DLG2: variants seen among roughly 807,000 people sequenced by gnomAD.
DLG2 encodes disks large homolog 2.
A neutral mutation model predicts 132.5 loss-of-function variants in DLG2; 45 were observed. That is an observed-to-expected ratio of 0.34 (90% CI 0.27 to 0.44). The LOEUF is 0.44. Among genes scored for constraint, DLG2 ranks in the 20% least tolerant of loss-of-function variants. DLG2 has a pLI of 1.00. For missense variants in DLG2, 1,045 were observed against 1,196.9 expected (o/e 0.87, Z 1.87); for synonymous variants, 424 against 419.6 (o/e 1.01, Z -0.13).
intron 8 of DLG2, among the ~76,000 whole-genome samples, chr11:84,195,044 G>T (rs2154294233): frequency 6.6e-6 from 1 of 152,352 alleles, no homozygotes; most frequent in African/African-American, 2.4e-5. Flanking sequence ...ACAGTGCAGT[G>T]GCGGGCTGAA....
intron 3 of DLG2, among the ~76,000 whole-genome samples, chr11:85,512,456 G>C (rs1019638714): frequency 6.6e-6 from 1 of 151,948 alleles, no homozygotes; most frequent in Non-Finnish European, 1.5e-5. Flanking sequence ...AGTGCCTTTG[G>C]ATACTGTGTC....
Position 85,426,461 on chromosome 11 carries a change from C to T in DLG2, c.41-141096G>A, listed in dbSNP as rs531600462. On this transcript the variant is annotated intron_variant, in intron 3 of 27. Coordinates refer to ENST00000376104, the MANE Select transcript of DLG2 (RefSeq NM_001142699.3). ...AGGAACGATCAGGCAGCAACATCTG[C>T]TGTTCACCAGTATCCGCTGTTCTGC... is the stretch of plus-strand genomic sequence containing the variant. Among the ~76,000 whole-genome samples, 11 of 152,330 alleles carry T rather than the reference C, an allele frequency of 7.2e-5. 1 individual carries two copies. The South Asian group carries it at 2.3e-3, about 32-fold the overall frequency.
intron 18 of DLG2, among the ~76,000 whole-genome samples, chr11:83,660,062 G>A (rs1036154297): frequency 2.6e-5 from 4 of 152,154 alleles, no homozygotes; most frequent in African/African-American, 7.2e-5. Flanking sequence ...ACTAAGATAC[G>A]AAAAGATTGT....
intron 16 of DLG2, among the ~76,000 whole-genome samples, chr11:83,853,622 T>C (rs573937313): frequency 6.6e-6 from 1 of 152,326 alleles, no homozygotes; most frequent in African/African-American, 2.4e-5. Flanking sequence ...TCTGAGATTC[T>C]TGAGTATTTT....
Position 84,689,384 on chromosome 11 carries a change from CA to C in DLG2, c.358-154654del, listed in dbSNP as rs551901846. Among the ~76,000 whole-genome samples, 1,224 of 146,852 alleles carry C rather than the reference CA, an allele frequency of 8.3e-3. 8 individuals are homozygous for C. The highest frequency in any genetic ancestry group is 0.011 in the Non-Finnish European group (730 of 66,502). Reference sequence around the variant, plus strand: ...TTTCTATTGAGAAACAATTAAGTTTCAAAAAAAAAATAGCACATAAGATGTA... The same window carrying C: ...TTTCTATTGAGAAACAATTAAGTTTCAAAAAAAAATAGCACATAAGATGTA... On this transcript the variant is annotated intron_variant, in intron 6 of 27. Transcript: ENST00000376104.
intron 7 of DLG2, among the ~76,000 whole-genome samples, chr11:84,267,149 C>T (rs1364503474): frequency 6.6e-6 from 1 of 152,204 alleles, no homozygotes; most frequent in African/African-American, 2.4e-5. Context: ...AAACAAGGTA[C>T]TTAACCCCAC....
intron 18 of DLG2, among the ~76,000 whole-genome samples, chr11:83,737,082 C>T (rs553823840): frequency 1.6e-4 from 24 of 152,248 alleles, no homozygotes; most frequent in African/African-American, 5.3e-4. Context: ...CCCCAAAAAC[C>T]ACACCTGTTT....
intron 3 of DLG2, among the ~76,000 whole-genome samples, chr11:85,570,325 G>C (rs1022895099): frequency 2.0e-5 from 3 of 152,108 alleles, no homozygotes; most frequent in African/African-American, 7.2e-5. Flanking sequence ...CTATCCTCAA[G>C]AATATTCCAT....
intron 6 of DLG2, among the ~76,000 whole-genome samples, chr11:84,916,264 G>T (rs1202305303): frequency 7.0e-6 from 1 of 143,710 alleles, no homozygotes; most frequent in Non-Finnish European, 1.5e-5. Context: ...CAGGAGAATG[G>T]CGTGAACCCG....
intron 19 of DLG2, among the ~76,000 whole-genome samples, chr11:83,589,055 G>A (rs1379315376): frequency 6.8e-6 from 1 of 146,968 alleles, no homozygotes; most frequent in African/African-American, 2.5e-5. Flanking sequence ...AACCAAGTTG[G>A]AAAACACTCT....
At position 84,923,558 on chromosome 11, in the gene DLG2, T is replaced by C. The variant is rs183558928; in HGVS notation, c.357+188103A>G. ...GCCCCGGTGTTATCCTATTAAATAC[T>C]TTACAATGGGATCGCATCGCAGACT... On this transcript the variant is annotated intron_variant, in intron 6 of 27. Coordinates refer to ENST00000376104, the MANE Select transcript of DLG2 (RefSeq NM_001142699.3). 3.0e-6 allele frequency: 3 copies of C among 1,002,056 alleles called. No individual in the cohort carries two copies. In the African/African-American group the frequency reaches 5.2e-5, roughly 17 times the overall value. The allele number at this position is 1,002,056 out of a possible 1,614,324, so 62.1% of individuals were successfully genotyped here. A position where few individuals can be genotyped will look rare whatever the true frequency, so the allele number is the denominator to read the frequency against.
At chr11:84,509,027 G>T (rs931750442) in intron 7 of DLG2, among the ~76,000 whole-genome samples, 1 of 152,188 alleles carries the variant, frequency 6.6e-6, no homozygotes, top group Non-Finnish European at 1.5e-5. Context: ...GCAAACACAA[G>T]AATTGGAAAT....
intron 6 of DLG2, among the ~76,000 whole-genome samples, chr11:84,837,000 T>A (rs1193943501): frequency 2.0e-5 from 3 of 151,696 alleles, no homozygotes; most frequent in African/African-American, 7.3e-5. Context: ...CCTAATGCTA[T>A]CCCTCCCGCC....
chr11:84,062,883 T>A (rs950322728), intron 10 of DLG2, among the ~76,000 whole-genome samples: 2 of 152,090 alleles, frequency 1.3e-5, no homozygotes, highest in African/African-American at 4.8e-5. Context: ...GGCTAGAGGG[T>A]CATAGCTATT....
At chr11:84,090,624 TGAC>T (rs1405678759) in intron 10 of DLG2, among the ~76,000 whole-genome samples, 1 of 152,132 alleles carries the variant, frequency 6.6e-6, no homozygotes, top group Non-Finnish European at 1.5e-5. Context: ...CATGCAACAC[TGAC>T]AACATATTGC....
intron 20 of DLG2, among the ~76,000 whole-genome samples, chr11:83,539,185 C>T (rs2095986437): frequency 6.6e-6 from 1 of 152,132 alleles, no homozygotes; most frequent in Non-Finnish European, 1.5e-5. Context: ...AAAATTTATT[C>T]ACCATCTTCA....
At chr11:84,328,646 TA>T (rs74676993) in intron 7 of DLG2, among the ~76,000 whole-genome samples, 26,993 of 149,416 alleles carry the variant, frequency 0.18, 2,648 homozygotes, top group East Asian at 0.42. Flanking sequence ...ATCAAACGGT[TA>T]AAAAAAAAAG....
At chr11:85,357,927 C>G (rs1469703614) in intron 3 of DLG2, among the ~76,000 whole-genome samples, 5 of 151,288 alleles carry the variant, frequency 3.3e-5, no homozygotes, top group Non-Finnish European at 1.5e-5. Context: ...TATTAGGATT[C>G]AAATCAGGCA....
chr11:84,998,885 C>T (rs2057945054), intron 6 of DLG2, among the ~76,000 whole-genome samples: 1 of 152,144 alleles, frequency 6.6e-6, no homozygotes, highest in African/African-American at 2.4e-5. Context: ...AAAAGTAGCC[C>T]TGCTTCGCCT....
Sources: gnomAD v4.1 joint callset for allele counts (sites outside exome capture counted in the v4.1 genomes callset) on GRCh38, gnomAD v4.1.1 for gene constraint, MANE v1.5 for transcripts, NCBI Gene and HGNC (gene_info 2026-07-23, HGNC 2026-07-21) for gene names.